The following KPNA7 variants were observed in gnomAD, a reference collection of about 807,000 sequenced individuals.
KPNA7 encodes importin subunit alpha-8.
Under a neutral mutation model 53.7 loss-of-function variants are expected in KPNA7, and 54 were observed. That is an observed-to-expected ratio of 1.01 (90% CI 0.81 to 1.26). The LOEUF (loss-of-function observed/expected upper bound fraction) is 1.26. Among genes scored for constraint, KPNA7 ranks in the 50% most tolerant of loss-of-function variants. The pLI, the probability that KPNA7 is intolerant of heterozygous loss-of-function variation, is 0.00. For missense variants in KPNA7, 640 were observed against 644.5 expected, an observed-to-expected ratio of 0.99 and a Z score of 0.07; for synonymous variants, 276 against 259.3, an observed-to-expected ratio of 1.06 and a Z score of -0.62.
In KPNA7 at chr7:99,184,920, G is replaced by C; in HGVS notation, c.1134+9C>G. Reference sequence around the variant, plus strand: ...GTCCTTTGCCATGGTTGCTGTGTGCGCCACTTACGTTTTTTAGCAGAGCCA... The same window carrying C: ...GTCCTTTGCCATGGTTGCTGTGTGCCCCACTTACGTTTTTTAGCAGAGCCA... On this transcript the variant is annotated intron_variant, in intron 8 of 10. Coordinates refer to ENST00000327442, the MANE Select transcript of KPNA7 (RefSeq NM_001145715.3). 6.5e-7 allele frequency: 1 copy of C among 1,549,348 alleles called. No homozygotes were observed. The highest frequency in any genetic ancestry group is 8.7e-7 in the Non-Finnish European group (1 of 1,144,752).
In KPNA7 at chr7:99,208,068, T is replaced by C. The variant is rs1790913077; in HGVS notation, c.-64A>G. ...ACAGTCTGGACTTCTCAGCTCCATG[T>C]CCTATTTCTGCAAGACCTGCTTGTT... On this transcript the variant is annotated 5_prime_UTR_variant, in exon 1 of 11. Coordinates refer to ENST00000327442, the MANE Select transcript of KPNA7 (RefSeq NM_001145715.3). 6.6e-6 allele frequency among the ~76,000 whole-genome samples: 1 copy of C among 152,040 alleles called. No homozygotes were observed. The highest frequency in any genetic ancestry group is 2.1e-4 in the South Asian group (1 of 4,828).
intron 6 of KPNA7, among the ~76,000 whole-genome samples, chr7:99,190,395 T>C (rs1421516807): frequency 6.6e-6 from 1 of 151,588 alleles, no homozygotes; most frequent in African/African-American, 2.4e-5. Flanking sequence ...TCTTGGCAAC[T>C]GTGACACCAA....
chr7:99,153,770 A>G, the KPNA7 span, among the ~76,000 whole-genome samples: 1 of 152,046 alleles, frequency 6.6e-6, no homozygotes, highest in South Asian at 2.1e-4. Context: ...GGAATTCAAG[A>G]CCAGCCTGGG....
the KPNA7 span, among the ~76,000 whole-genome samples, chr7:99,164,023 C>A: frequency 6.6e-6 from 1 of 151,500 alleles, no homozygotes; most frequent in African/African-American, 2.4e-5. Flanking sequence ...AATAGGAACA[C>A]TTTTACACTG....
At chr7:99,164,339 G>T in the KPNA7 span, among the ~76,000 whole-genome samples, 7 of 151,880 alleles carry the variant, frequency 4.6e-5, no homozygotes, top group African/African-American at 1.7e-4. Context: ...TCCTTTGTAG[G>T]GACATGGATG....
the KPNA7 span, among the ~76,000 whole-genome samples, chr7:99,158,417 T>C: frequency 6.6e-6 from 1 of 152,126 alleles, no homozygotes; most frequent in Non-Finnish European, 1.5e-5. Context: ...TATAATTTGA[T>C]CTTTTCTATT....
rs1161719242 is a variant in KPNA7 at position 99,193,000 on chromosome 7, GAA to G, written c.636+17_636+18del. On this transcript the variant is annotated intron_variant, in intron 6 of 10. Coordinates refer to ENST00000327442, the MANE Select transcript of KPNA7 (RefSeq NM_001145715.3). The stretch of plus-strand genomic sequence containing the variant: ...ATTTTAATTTAAAAAAAAAAAAAGA[GAA>G]AGAAAAAGACACTTACCGGCAGGGT... The G allele has an allele frequency of 1.2e-4, 170 of 1,417,904 alleles. No homozygotes were observed. Among genetic ancestry groups the G allele is most frequent in the South Asian group, 2.5e-4 (17 of 67,990 alleles). The allele number at this position is 1,417,904 out of a possible 1,614,324, so 87.8% of individuals were successfully genotyped here.
chr7:99,194,847 C>T (rs1351448200), intron 5 of KPNA7, among the ~76,000 whole-genome samples: 1 of 152,054 alleles, frequency 6.6e-6, no homozygotes, highest in South Asian at 2.1e-4. Context: ...TCAAGTGATC[C>T]GTCCGCCTTG....
chr7:99,209,146 C>T (rs925045627), upstream of KPNA7, among the ~76,000 whole-genome samples: 78 of 151,856 alleles, frequency 5.1e-4, no homozygotes, highest in Non-Finnish European at 1.6e-4. Context: ...AGTAAGATTC[C>T]GTCTCAAAAA....
the KPNA7 span, among the ~76,000 whole-genome samples, chr7:99,151,301 T>C: frequency 2.8e-4 from 42 of 152,292 alleles, no homozygotes; most frequent in Non-Finnish European, 4.6e-4. Flanking sequence ...ACTTAGTCCA[T>C]AGAATGGCTT....
Position 99,181,057 on chromosome 7 carries a change from C to G in KPNA7, c.1317+826G>C, listed in dbSNP as rs867600517. Reference sequence around the variant, plus strand: ...TGTGTGTCTCTCTCTCTCTCTCCGTCTGTGTCTCTCTCTCCATCTGTGTCT... The same window carrying G: ...TGTGTGTCTCTCTCTCTCTCTCCGTGTGTGTCTCTCTCTCCATCTGTGTCT... On this transcript the variant is annotated intron_variant, in intron 9 of 10. Transcript: ENST00000327442. Among the ~76,000 whole-genome samples, 44 of 52,044 alleles carry G rather than the reference C, an allele frequency of 8.5e-4. 3 individuals are homozygous for G. Among genetic ancestry groups the G allele is most frequent in the African/African-American group, 5.1e-3 (43 of 8,440 alleles). 34.1% of individuals were successfully genotyped at this position (52,044 alleles called of 152,430 possible).
At chr7:99,215,243 G>A (rs1343769149) in intron 1 of KPNA7, among the ~76,000 whole-genome samples, 2 of 151,590 alleles carry the variant, frequency 1.3e-5, no homozygotes, top group African/African-American at 2.4e-5. Context: ...GTGGTGGTGG[G>A]CGCCTGTAAT....
At chr7:99,207,551 A>T (rs915348268) in intron 1 of KPNA7, 62 bp from the exon 2 acceptor site, 2 of 698,762 alleles carry the variant, frequency 2.9e-6, no homozygotes, top group Non-Finnish European at 4.8e-6. Context: ...TTATGTCAGT[A>T]TCATAAGGCT....
the KPNA7 span, among the ~76,000 whole-genome samples, chr7:99,155,451 ACAC>A: frequency 4.6e-5 from 7 of 152,224 alleles, no homozygotes; most frequent in South Asian, 4.1e-4. Context: ...GGTCAAAATC[ACAC>A]CACATTTCAG....
chr7:99,186,899 A>G (rs1242263807), intron 7 of KPNA7, among the ~76,000 whole-genome samples: 1 of 152,230 alleles, frequency 6.6e-6, no homozygotes, highest in Non-Finnish European at 1.5e-5. Flanking sequence ...TAGGTAAAAT[A>G]TTAAGAAAAT....
At chr7:99,198,964 T>C (rs984452811) in intron 3 of KPNA7, among the ~76,000 whole-genome samples, 8 of 144,222 alleles carry the variant, frequency 5.5e-5, no homozygotes, top group African/African-American at 2.1e-4. Context: ...CTAGCAGTGA[T>C]CAAAAATCAA....
chr7:99,192,781 T>C (rs1790020910), intron 6 of KPNA7, among the ~76,000 whole-genome samples: 1 of 152,014 alleles, frequency 6.6e-6, no homozygotes, highest in Non-Finnish European at 1.5e-5. Context: ...TGGAAGTATG[T>C]CCCAATTTCC....
At chr7:99,194,894 C>T (rs1330255100) in intron 5 of KPNA7, among the ~76,000 whole-genome samples, 176 bp downstream of exon 5, 1 of 152,120 alleles carries the variant, frequency 6.6e-6, no homozygotes, top group Non-Finnish European at 1.5e-5. Flanking sequence ...CGTGAGCCAC[C>T]GTGCCTGGCC....
downstream of KPNA7, among the ~76,000 whole-genome samples, chr7:99,172,382 A>T (rs2150691069): frequency 6.6e-6 from 1 of 152,318 alleles, no homozygotes; most frequent in South Asian, 2.1e-4. Flanking sequence ...AGTTCATTTA[A>T]GTTATAAAAA....
Sources: gnomAD v4.1 joint callset for allele counts (sites outside exome capture counted in the v4.1 genomes callset) on GRCh38, gnomAD v4.1.1 for gene constraint, MANE v1.5 for transcripts, NCBI Gene and HGNC (gene_info 2026-07-23, HGNC 2026-07-21) for gene names.